Variants in CACNB4 observed in about 807,000 individuals in gnomAD.
CACNB4 encodes voltage-dependent L-type calcium channel subunit beta-4.
In CACNB4, 32 loss-of-function variants were observed where a neutral mutation model predicts 71.2. The ratio of observed to expected loss-of-function variants is 0.45; its 90% confidence interval spans 0.34 to 0.60. The LOEUF is 0.60. Ranked by LOEUF, CACNB4 falls within the 20% of genes least tolerant of loss-of-function variation. The pLI is 0.01. For synonymous variants in CACNB4, 231 were observed against 236.9 expected (o/e 0.97, Z 0.23); for missense variants, 464 against 647.9 (o/e 0.72, Z 3.08).
intron 2 of CACNB4, among the ~76,000 whole-genome samples, chr2:151,991,903 A>C (rs1026379044): frequency 6.6e-6 from 1 of 152,218 alleles, no homozygotes; most frequent in Non-Finnish European, 1.5e-5. Context: ...GAGGGAAACA[A>C]AAGAGCGAAT....
At position 151,904,654 on chromosome 2, in the gene CACNB4, C is replaced by T. The variant is rs2099854318; in HGVS notation, c.148-21284G>A. On this transcript the variant is annotated intron_variant, in intron 2 of 13. Coordinates refer to ENST00000539935, the MANE Select transcript of CACNB4 (RefSeq NM_000726.5). The stretch of plus-strand genomic sequence containing the variant: ...GGTTCAAGCAATTCTCCTGCCTCAG[C>T]CTCTCAAGTAGCTGGGACTACAGGC... Among the ~76,000 whole-genome samples, 4 of 152,000 alleles carry T rather than the reference C, an allele frequency of 2.6e-5. No homozygotes were observed. The South Asian group carries it at 8.3e-4, about 32-fold the overall frequency.
chr2:152,014,729 T>A lies in CACNB4; in HGVS notation c.147+83601A>T, dbSNP rs1399490194. ...CTGGGTGACAGAGCGCAACTCTGTC[T>A]CAAAAAAAAAAAAAATCATAATTTT... On this transcript the variant is annotated intron_variant, in intron 2 of 13. Coordinates refer to ENST00000539935, the MANE Select transcript of CACNB4 (RefSeq NM_000726.5). 8.3e-5 allele frequency among the ~76,000 whole-genome samples: 11 copies of A among 132,216 alleles called. No individual in the cohort carries two copies. The East Asian group carries it at 2.2e-3, about 27-fold the overall frequency. 86.7% of individuals were successfully genotyped at this position (132,216 alleles called of 152,430 possible).
chr2:152,015,343 G>A (rs1257744502), intron 2 of CACNB4, among the ~76,000 whole-genome samples: 2 of 152,148 alleles, frequency 1.3e-5, no homozygotes, highest in Non-Finnish European at 2.9e-5. Flanking sequence ...ATGTTGGCCA[G>A]GCTGGTCTCG....
At chr2:152,011,859 A>G (rs1683073754) in intron 2 of CACNB4, among the ~76,000 whole-genome samples, 1 of 152,216 alleles carries the variant, frequency 6.6e-6, no homozygotes, top group South Asian at 2.1e-4. Flanking sequence ...ATGGGGCTGA[A>G]GAATTCCTAT....
At chr2:151,895,276 T>C (rs2099851771) in intron 2 of CACNB4, among the ~76,000 whole-genome samples, 1 of 152,074 alleles carries the variant, frequency 6.6e-6, no homozygotes, top group African/African-American at 2.4e-5. Context: ...ACGGAAGACA[T>C]GTTTTTAAAA....
At chr2:152,036,231 C>A (rs909002639) in intron 2 of CACNB4, among the ~76,000 whole-genome samples, 7 of 152,158 alleles carry the variant, frequency 4.6e-5, no homozygotes, top group African/African-American at 1.7e-4. Flanking sequence ...TTCTAGGGAT[C>A]TGTTGCATAA....
intron 2 of CACNB4, among the ~76,000 whole-genome samples, chr2:152,052,464 T>G (rs1685491333): frequency 6.6e-6 from 1 of 152,022 alleles, no homozygotes; most frequent in Admixed American, 6.6e-5. Context: ...TGACTAATTT[T>G]CGTATTCTAA....
chr2:152,039,080 TA>T (rs1214879287), intron 2 of CACNB4, among the ~76,000 whole-genome samples: 4 of 151,920 alleles, frequency 2.6e-5, no homozygotes, highest in African/African-American at 7.3e-5. Context: ...TCCTTGTATT[TA>T]AAAAAAAGCA....
At chr2:151,912,194 C>T (rs144081064) in intron 2 of CACNB4, among the ~76,000 whole-genome samples, 2 of 152,216 alleles carry the variant, frequency 1.3e-5, no homozygotes, top group African/African-American at 4.8e-5. Flanking sequence ...TTAGTTATTT[C>T]TTGTCTTCTA....
chr2:152,028,265 C>G (rs1174331470), intron 2 of CACNB4, among the ~76,000 whole-genome samples: 1 of 152,164 alleles, frequency 6.6e-6, no homozygotes, highest in Non-Finnish European at 1.5e-5. Context: ...CATCTCCAGA[C>G]CAGCAAAGGA....
intron 2 of CACNB4, among the ~76,000 whole-genome samples, chr2:151,982,039 T>C (rs1020599030): frequency 1.3e-5 from 2 of 152,280 alleles, no homozygotes; most frequent in African/African-American, 2.4e-5. Context: ...AAGCTTTCAG[T>C]TTCTGCAACA....
intron 2 of CACNB4, among the ~76,000 whole-genome samples, chr2:151,977,144 A>G (rs2099873959): frequency 6.6e-6 from 1 of 152,196 alleles, no homozygotes; most frequent in South Asian, 2.1e-4. Context: ...ATTACTGAGT[A>G]GCCTCCAAAA....
At chr2:152,061,101 A>C (rs1685988265) in intron 2 of CACNB4, among the ~76,000 whole-genome samples, 1 of 152,162 alleles carries the variant, frequency 6.6e-6, no homozygotes, top group African/African-American at 2.4e-5. Context: ...TGAGGCCAGG[A>C]GTTTGAGACC....
At chr2:151,895,327 C>T (rs1351802213) in intron 2 of CACNB4, among the ~76,000 whole-genome samples, 1 of 152,108 alleles carries the variant, frequency 6.6e-6, no homozygotes, top group Non-Finnish European at 1.5e-5. Flanking sequence ...TGTAGCCAGG[C>T]ACCATGGCAC....
At chr2:152,015,036 A>C (rs951970973) in intron 2 of CACNB4, among the ~76,000 whole-genome samples, 3 of 152,202 alleles carry the variant, frequency 2.0e-5, no homozygotes, top group African/African-American at 2.4e-5. Context: ...CTAATTCTAG[A>C]AAGAAAAGAA....
chr2:151,962,591 C>T (rs1210973089), intron 2 of CACNB4, among the ~76,000 whole-genome samples: 2 of 152,228 alleles, frequency 1.3e-5, no homozygotes. Flanking sequence ...TAAGGCCAAA[C>T]GTAGCAGTAA....
intron 5 of CACNB4, among the ~76,000 whole-genome samples, chr2:151,874,545 A>G (rs1003084198): frequency 7.2e-5 from 11 of 151,970 alleles, no homozygotes; most frequent in African/African-American, 2.7e-4. Context: ...TAGTATTGGC[A>G]AGTTATATGC....
intron 2 of CACNB4, among the ~76,000 whole-genome samples, chr2:152,080,909 G>A (rs551947656): frequency 6.6e-5 from 10 of 152,158 alleles, no homozygotes; most frequent in Non-Finnish European, 1.2e-4. Flanking sequence ...ATCTCGCCAT[G>A]TGATATGTCT....
Position 151,836,392 on chromosome 2 carries a change from T to C in CACNB4, c.*2727A>G, listed in dbSNP as rs2099834898. ...TGGTGTGCTTGGCAAAAATAAAACT[T>C]TTCATTTAGTATATATCTAGATTTT... On this transcript the variant is annotated 3_prime_UTR_variant, in exon 14 of 14. Coordinates refer to ENST00000539935, the MANE Select transcript of CACNB4 (RefSeq NM_000726.5). 1 of 151,786 alleles carries C rather than the reference T, an allele frequency of 6.6e-6. No homozygotes were observed. The allele number at this position is 151,786 out of a possible 1,614,324, so 9.4% of individuals were successfully genotyped here.
Sources: gnomAD v4.1 joint callset for allele counts (sites outside exome capture counted in the v4.1 genomes callset) on GRCh38, gnomAD v4.1.1 for gene constraint, MANE v1.5 for transcripts, NCBI Gene and HGNC (gene_info 2026-07-23, HGNC 2026-07-21) for gene names.